The following RAI14 variants were observed in gnomAD, a reference collection of about 807,000 sequenced individuals.
The protein encoded by RAI14 is retinoic acid induced 14.
Under a neutral mutation model 115.4 loss-of-function variants are expected in RAI14, and 45 were observed. That is an observed-to-expected ratio of 0.39 (90% CI 0.31 to 0.50). RAI14 has a LOEUF of 0.50. Ranked by LOEUF, RAI14 falls within the 20% of genes least tolerant of loss-of-function variation. The probability of loss-of-function intolerance (pLI) is 0.85; values close to 1 mark genes in which losing one functional copy is unlikely to be tolerated. For synonymous variants in RAI14, 371 were observed against 415.4 expected (o/e 0.89, Z 1.30); for missense variants, 939 against 1,131.2 (o/e 0.83, Z 2.44).
intron 1 of RAI14, among the ~76,000 whole-genome samples, chr5:34,672,653 T>TG (rs1354458673): frequency 6.6e-6 from 1 of 152,200 alleles, no homozygotes. Context: ...AAATCCAGGC[T>TG]GGCATGGCCC....
intron 4 of RAI14, among the ~76,000 whole-genome samples, chr5:34,797,371 T>C (rs1213526178): frequency 2.0e-5 from 3 of 152,082 alleles, no homozygotes; most frequent in Non-Finnish European, 4.4e-5. Context: ...GGTTTAGAAT[T>C]GTTTTCATTG....
intron 3 of RAI14, among the ~76,000 whole-genome samples, chr5:34,765,640 G>A (rs1749249630): frequency 6.6e-6 from 1 of 152,214 alleles, no homozygotes; most frequent in African/African-American, 2.4e-5. Context: ...TATAAGGGAA[G>A]CAAAGCATAA....
chr5:34,683,028 C>T (rs1023234331), intron 1 of RAI14, among the ~76,000 whole-genome samples: 3 of 152,128 alleles, frequency 2.0e-5, no homozygotes, highest in African/African-American at 7.2e-5. Flanking sequence ...AAGGCGAGTC[C>T]GTTTACTCAT....
At chr5:34,762,743 T>A (rs543328302) in intron 3 of RAI14, among the ~76,000 whole-genome samples, 1 of 152,288 alleles carries the variant, frequency 6.6e-6, no homozygotes, top group Admixed American at 6.5e-5. Flanking sequence ...GTCAATGTCC[T>A]CAAACCTCTT....
intron 3 of RAI14, among the ~76,000 whole-genome samples, chr5:34,778,928 A>G (rs1751252373): frequency 6.6e-6 from 1 of 152,092 alleles, no homozygotes; most frequent in Non-Finnish European, 1.5e-5. Context: ...AAAAAAAGAG[A>G]ATTTTAGACC....
intron 16 of RAI14, among the ~76,000 whole-genome samples, chr5:34,829,307 C>T (rs1757790481): frequency 6.6e-6 from 1 of 152,064 alleles, no homozygotes; most frequent in South Asian, 2.1e-4. Context: ...CTTGCCTCAG[C>T]CTCCTGAGTA....
At chr5:34,710,607 A>T (rs1038910881) in intron 2 of RAI14, among the ~76,000 whole-genome samples, 1 of 152,140 alleles carries the variant, frequency 6.6e-6, no homozygotes, top group African/African-American at 2.4e-5. Flanking sequence ...TGATGATGAG[A>T]ATCACATAAG....
chr5:34,825,545 C>A (rs964236670), intron 15 of RAI14, among the ~76,000 whole-genome samples: 2 of 152,070 alleles, frequency 1.3e-5, no homozygotes, highest in Admixed American at 6.6e-5. Context: ...CCTCAAGTCA[C>A]TGTAAAAGCT....
intron 2 of RAI14, among the ~76,000 whole-genome samples, chr5:34,751,096 C>T (rs1177722553): frequency 6.6e-6 from 1 of 151,412 alleles, no homozygotes; most frequent in Non-Finnish European, 1.5e-5. Context: ...GGTGATCCGC[C>T]TGCCTTAGCC....
chr5:34,820,137 T>A (rs1756674892), intron 13 of RAI14, among the ~76,000 whole-genome samples: 1 of 152,242 alleles, frequency 6.6e-6, no homozygotes, highest in Non-Finnish European at 1.5e-5. Context: ...AGGATTTCTA[T>A]AAAGAAAGGT....
Position 34,823,278 on chromosome 5 carries a change from C to G in RAI14, c.1436C>G (p.Ser479Cys), listed in dbSNP as rs763133403. The change falls in exon 15 of 18, where the codon TCT becomes TGT. Residue 479 changes from serine (S) to cysteine (C), a missense_variant. Transcript: ENST00000265109. This position sits in a 1 kb window ranked among gnomAD's most constrained non-coding sequence, Gnocchi z 4.5. ...LNNTEISENS[S>C]DLSQKLKETQ... ...AACACTGAGATTTCAGAGAACAGCT[C>G]TGACCTCAGCCAGAAACTTAAAGAA... 2.5e-6 allele frequency: 4 copies of G among 1,614,040 alleles called. No homozygotes were observed. The highest frequency in any genetic ancestry group is 3.4e-6 in the Non-Finnish European group (4 of 1,180,032).
intron 12 of RAI14, 21 bp downstream of exon 12, chr5:34,814,690 G>A: frequency 6.5e-7 from 1 of 1,547,752 alleles, no homozygotes; most frequent in Non-Finnish European, 8.9e-7. Flanking sequence ...TCTGTATTCA[G>A]TTTTGTTACT....
chr5:34,722,118 A>T (rs1431890931), intron 2 of RAI14, among the ~76,000 whole-genome samples: 2 of 142,678 alleles, frequency 1.4e-5, no homozygotes, highest in African/African-American at 2.6e-5. Context: ...ATCTTTTCAG[A>T]TAGACCCTTT....
intron 2 of RAI14, among the ~76,000 whole-genome samples, chr5:34,719,921 A>G (rs1423139758): frequency 6.6e-6 from 1 of 152,242 alleles, no homozygotes; most frequent in East Asian, 1.9e-4. Context: ...TTTCTGGACA[A>G]GAGCCATATT....
At chr5:34,802,215 A>G (rs1754358308) in intron 4 of RAI14, among the ~76,000 whole-genome samples, 1 of 152,158 alleles carries the variant, frequency 6.6e-6, no homozygotes, top group Admixed American at 6.5e-5. Flanking sequence ...TGTACTGCAT[A>G]GGACAACCAT....
intron 15 of RAI14, among the ~76,000 whole-genome samples, chr5:34,825,772 TGA>T (rs1296429425): frequency 6.6e-6 from 1 of 152,048 alleles, no homozygotes; most frequent in Non-Finnish European, 1.5e-5. Flanking sequence ...ATAGCATTCA[TGA>T]GAGACTACTT....
intron 2 of RAI14, among the ~76,000 whole-genome samples, chr5:34,696,731 G>T (rs986533492): frequency 1.3e-5 from 2 of 152,246 alleles, no homozygotes; most frequent in Non-Finnish European, 2.9e-5. Flanking sequence ...TTTTACGCCA[G>T]AAGTTAACTA....
intron 13 of RAI14, among the ~76,000 whole-genome samples, chr5:34,821,225 G>A (rs978731247): frequency 6.6e-6 from 1 of 152,152 alleles, no homozygotes; most frequent in African/African-American, 2.4e-5. Flanking sequence ...TAGGAAGACT[G>A]GTCTGACGTT....
chr5:34,693,730 C>A (rs1738907860), intron 2 of RAI14, among the ~76,000 whole-genome samples: 1 of 152,206 alleles, frequency 6.6e-6, no homozygotes, highest in East Asian at 1.9e-4. Context: ...AACCGCAGCA[C>A]ACGCTTGCTA....
Sources: allele counts gnomAD v4.1 joint callset (sites outside exome capture counted in the v4.1 genomes callset), GRCh38; gene constraint gnomAD v4.1.1; non-coding constraint Gnocchi (gnomAD v3.1); transcripts MANE v1.5; gene names NCBI Gene and HGNC (gene_info 2026-07-23, HGNC 2026-07-21).